Variants in HDAC9 observed in about 807,000 individuals in gnomAD.
HDAC9 encodes the protein MEF-2 interacting transcription repressor (MITR) protein.
HDAC9 carries 41 observed loss-of-function variants against 139.4 expected under a neutral mutation model. That is an observed-to-expected ratio of 0.29 (90% CI 0.23 to 0.38). HDAC9 has a LOEUF of 0.38. Among genes scored for constraint, HDAC9 ranks in the 10% least tolerant of loss-of-function variants. The pLI, the probability that HDAC9 is intolerant of heterozygous loss-of-function variation, is 1.00. For missense variants in HDAC9, 1,147 were observed against 1,297.0 expected, an observed-to-expected ratio of 0.88 and a Z score of 1.78; for synonymous variants, 517 against 476.2, an observed-to-expected ratio of 1.09 and a Z score of -1.12.
rs1056181807 is a variant in HDAC9 at position 18,945,656 on chromosome 7, G to A, written c.2938-8490G>A. On this transcript the variant is annotated intron_variant, in intron 23 of 25. Coordinates refer to ENST00000686413, the MANE Select transcript of HDAC9 (RefSeq NM_178425.4). ...AACATTTAGATGCATAGTTCATCTG[G>A]CATTGAATATGTATATGGCATAATA... Among the ~76,000 whole-genome samples the A allele has an allele frequency of 3.9e-5, 6 of 151,988 alleles. No homozygotes were observed. In the East Asian group the frequency reaches 1.2e-3, roughly 29 times the overall value.
intron 13 of HDAC9, among the ~76,000 whole-genome samples, chr7:18,734,030 G>A (rs774141088): frequency 1.3e-5 from 2 of 151,988 alleles, no homozygotes; most frequent in Non-Finnish European, 1.5e-5. Flanking sequence ...TCCTCAATTA[G>A]TCCTATTTCA....
At chr7:18,627,385 A>C (rs1345690138) in intron 6 of HDAC9, among the ~76,000 whole-genome samples, 1 of 152,216 alleles carries the variant, frequency 6.6e-6, no homozygotes, top group Admixed American at 6.5e-5. Flanking sequence ...AGAGGATACC[A>C]ATGTAGTTAG....
At chr7:18,869,285 G>A (rs1481135705) in intron 21 of HDAC9, among the ~76,000 whole-genome samples, 1 of 151,920 alleles carries the variant, frequency 6.6e-6, no homozygotes, top group Non-Finnish European at 1.5e-5. Flanking sequence ...TGGAGGTGGG[G>A]CTTGGTGGGA....
At chr7:18,281,977 C>T (rs1028041520) in intron 2 of HDAC9, among the ~76,000 whole-genome samples, 10 of 152,038 alleles carry the variant, frequency 6.6e-5, no homozygotes, top group Admixed American at 3.3e-4. Context: ...ACTAAGTACA[C>T]GTTTTATTCT....
At chr7:18,843,962 C>T (rs1279586004) in intron 21 of HDAC9, among the ~76,000 whole-genome samples, 2 of 152,148 alleles carry the variant, frequency 1.3e-5, no homozygotes, top group African/African-American at 4.8e-5. Context: ...GAAGTTCACA[C>T]TGTTTTCTGA....
chr7:18,166,506 T>C (rs187219652), intron 2 of HDAC9, among the ~76,000 whole-genome samples: 32 of 152,312 alleles, frequency 2.1e-4, no homozygotes, highest in African/African-American at 7.7e-4. Flanking sequence ...CCCATAGAAA[T>C]GTAGAGTACA....
At chr7:18,782,403 G>A (rs28690889) in intron 16 of HDAC9, among the ~76,000 whole-genome samples, 15,406 of 151,978 alleles carry the variant, frequency 0.1, 925 homozygotes, top group African/African-American at 0.16. Flanking sequence ...TTCCCTTTCC[G>A]TTTTAAATAC....
intron 6 of HDAC9, among the ~76,000 whole-genome samples, chr7:18,616,930 A>T (rs955925630): frequency 3.9e-4 from 59 of 152,338 alleles, no homozygotes; most frequent in African/African-American, 1.3e-3. Flanking sequence ...TATTAGTAAC[A>T]GTAATTAGAC....
intron 12 of HDAC9, among the ~76,000 whole-genome samples, chr7:18,680,760 G>C (rs1429238512): frequency 6.6e-6 from 1 of 151,958 alleles, no homozygotes. Flanking sequence ...GCCAGCCTTC[G>C]GGCATGTCAC....
chr7:18,921,701 C>G (rs967270334), intron 22 of HDAC9, among the ~76,000 whole-genome samples: 7 of 152,022 alleles, frequency 4.6e-5, no homozygotes, highest in African/African-American at 1.7e-4. Flanking sequence ...CTAGAAATAC[C>G]ATTTGACCCA....
chr7:18,375,485 CAA>C (rs199860124), intron 1 of HDAC9, among the ~76,000 whole-genome samples: 1 of 147,152 alleles, frequency 6.8e-6, no homozygotes, highest in Non-Finnish European at 1.5e-5. Flanking sequence ...ACAACAACAA[CAA>C]AAAAAAAACA....
At chr7:18,495,545 T>C (rs1276882025), upstream of HDAC9, among the ~76,000 whole-genome samples, 1 of 152,082 alleles carries the variant, frequency 6.6e-6, no homozygotes, top group African/African-American at 2.4e-5. Flanking sequence ...GTTGGAAAGA[T>C]AGAGGCTGGA....
At chr7:18,183,199 C>G (rs193095995) in intron 2 of HDAC9, among the ~76,000 whole-genome samples, 4 of 150,214 alleles carry the variant, frequency 2.7e-5, no homozygotes, top group African/African-American at 7.6e-5. Context: ...TTAGTAGAGA[C>G]GGGGTTTCAC....
At chr7:18,988,475 A>T (rs1429246370) in intron 25 of HDAC9, among the ~76,000 whole-genome samples, 2 of 151,612 alleles carry the variant, frequency 1.3e-5, no homozygotes, top group Admixed American at 1.3e-4. Flanking sequence ...GGAGAGCTTT[A>T]CTTCCAAGTA....
At chr7:18,732,134 A>G (rs1343030048) in intron 13 of HDAC9, among the ~76,000 whole-genome samples, 1 of 152,206 alleles carries the variant, frequency 6.6e-6, no homozygotes, top group Non-Finnish European at 1.5e-5. Flanking sequence ...TGCTGGGATT[A>G]CAGGTGTGAG....
intron 2 of HDAC9, among the ~76,000 whole-genome samples, chr7:18,164,016 A>G (rs1240345397): frequency 6.6e-6 from 1 of 152,210 alleles, no homozygotes; most frequent in Admixed American, 6.5e-5. Flanking sequence ...GGTGATGGAT[A>G]AATAAGACAA....
intron 2 of HDAC9, among the ~76,000 whole-genome samples, chr7:18,516,070 A>C (rs1443081997): frequency 6.6e-5 from 10 of 152,236 alleles, no homozygotes; most frequent in Non-Finnish European, 1.5e-4. Context: ...GAGGTTCTTC[A>C]GTCACACTTA....
chr7:18,399,550 A>G (rs1787352392), intron 1 of HDAC9, among the ~76,000 whole-genome samples: 1 of 152,208 alleles, frequency 6.6e-6, no homozygotes, highest in African/African-American at 2.4e-5. Flanking sequence ...TCTCATAGTA[A>G]TAGGCTAAAT....
intron 1 of HDAC9, among the ~76,000 whole-genome samples, chr7:18,419,766 C>G (rs1016971401): frequency 6.6e-6 from 1 of 152,078 alleles, no homozygotes; most frequent in African/African-American, 2.4e-5. Context: ...CTTAAGATCT[C>G]CTAAAATATT....
Sources: gnomAD v4.1 joint callset for allele counts (sites outside exome capture counted in the v4.1 genomes callset) on GRCh38, gnomAD v4.1.1 for gene constraint, MANE v1.5 for transcripts, NCBI Gene and HGNC (gene_info 2026-07-23, HGNC 2026-07-21) for gene names.